COMMD1: variants seen among roughly 807,000 people sequenced by gnomAD.
The protein encoded by COMMD1 is copper metabolism domain containing 1, also known as COMM domain-containing protein 1.
In COMMD1, 10 loss-of-function variants were observed where a neutral mutation model predicts 17.2. That is an observed-to-expected ratio of 0.58 (90% CI 0.36 to 0.99). The LOEUF is 0.99. Ranked by LOEUF, COMMD1 falls within the 50% of genes least tolerant of loss-of-function variation. The pLI is 0.01. For synonymous variants in COMMD1, 97 were observed against 91.6 expected (o/e 1.06, Z -0.34); for missense variants, 270 against 231.8 (o/e 1.17, Z -1.07).
chr2:62,024,165 G>A (rs931020810), intron 2 of COMMD1, among the ~76,000 whole-genome samples: 2 of 152,092 alleles, frequency 1.3e-5, no homozygotes, highest in Non-Finnish European at 2.9e-5. Flanking sequence ...GAAAATACAT[G>A]AAAAGTGTTC....
At chr2:61,987,923 A>G (rs1301295983) in intron 1 of COMMD1, among the ~76,000 whole-genome samples, 2 of 152,148 alleles carry the variant, frequency 1.3e-5, no homozygotes, top group African/African-American at 2.4e-5. Flanking sequence ...CCCTTCTCCC[A>G]GGCAGGAGAG....
At chr2:62,069,729 G>C (rs573635101) in intron 2 of COMMD1, 3 of 152,252 alleles carry the variant, frequency 2.0e-5, no homozygotes, top group African/African-American at 7.2e-5. Context: ...TGAAGAGAGA[G>C]ATCATTTCCA....
chr2:61,951,476 ATCT>A (rs1220195746), intron 1 of COMMD1, among the ~76,000 whole-genome samples: 2 of 151,600 alleles, frequency 1.3e-5, no homozygotes, highest in African/African-American at 2.4e-5. Context: ...AAAAAAAAAA[ATCT>A]TTCTGCATCT....
At chr2:61,894,987 T>C (rs1226737667) in intron 1 of COMMD1, among the ~76,000 whole-genome samples, 1 of 152,164 alleles carries the variant, frequency 6.6e-6, no homozygotes, top group Non-Finnish European at 1.5e-5. Context: ...CCACTACACC[T>C]GGTCTAGAAG....
intron 1 of COMMD1, among the ~76,000 whole-genome samples, chr2:61,925,012 G>GAC (rs1231266045): frequency 1.3e-5 from 2 of 152,204 alleles, no homozygotes. Flanking sequence ...TGGAGAGACA[G>GAC]ACGGTCAAGG....
intron 2 of COMMD1, among the ~76,000 whole-genome samples, chr2:62,086,912 G>A (rs1671687291): frequency 1.3e-5 from 2 of 151,632 alleles, no homozygotes; most frequent in Admixed American, 6.6e-5. Flanking sequence ...CTGGAGTGCG[G>A]TAGTGCGATC....
At chr2:62,067,329 A>C (rs1291171918) in intron 2 of COMMD1, among the ~76,000 whole-genome samples, 1 of 152,222 alleles carries the variant, frequency 6.6e-6, no homozygotes, top group Non-Finnish European at 1.5e-5. Context: ...TAGTTTTCTA[A>C]ATGAAAAATC....
chr2:62,121,752 A>AG (rs1385659461), intron 2 of COMMD1, among the ~76,000 whole-genome samples: 13 of 151,732 alleles, frequency 8.6e-5, no homozygotes, highest in Non-Finnish European at 7.4e-5. Flanking sequence ...AAAAAAAAAA[A>AG]AGAGAGAGAG....
chr2:62,062,130 T>C (rs1417388181), intron 2 of COMMD1, among the ~76,000 whole-genome samples: 2 of 152,128 alleles, frequency 1.3e-5, no homozygotes, highest in African/African-American at 4.8e-5. Flanking sequence ...ACAAATGACA[T>C]TAACTCTTTC....
chr2:61,920,334 TC>T (rs1670156765), intron 1 of COMMD1, among the ~76,000 whole-genome samples: 1 of 152,102 alleles, frequency 6.6e-6, no homozygotes, highest in Non-Finnish European at 1.5e-5. Context: ...AAGTACTCTT[TC>T]CCAGGAGAAG....
At chr2:62,066,638 T>G (rs889988521) in intron 2 of COMMD1, among the ~76,000 whole-genome samples, 1 of 151,858 alleles carries the variant, frequency 6.6e-6, no homozygotes, top group African/African-American at 2.4e-5. Flanking sequence ...CCTGACCTCG[T>G]GATCTGCCCG....
In COMMD1 at chr2:62,095,694, A is replaced by G. The variant is rs562133107; in HGVS notation, c.463-40137A>G. On this transcript the variant is annotated intron_variant, in intron 2 of 2. Transcript: ENST00000311832. Reference sequence around the variant, plus strand: ...CCCTTGCTACTGTTAGTGAAAACCTAAATAACAAGATAATAATGGATTCAG... The same window carrying G: ...CCCTTGCTACTGTTAGTGAAAACCTGAATAACAAGATAATAATGGATTCAG... Among the ~76,000 whole-genome samples the G allele has an allele frequency of 4.6e-5, 7 of 150,952 alleles. No homozygotes were observed. The South Asian group carries it at 8.4e-4, about 18-fold the overall frequency.
At chr2:62,012,348 A>G (rs1276172846) in intron 2 of COMMD1, among the ~76,000 whole-genome samples, 2 of 137,844 alleles carry the variant, frequency 1.5e-5, no homozygotes, top group South Asian at 2.3e-4. Context: ...TTTTTTTGAG[A>G]TGGAGTCTTA....
intron 2 of COMMD1, among the ~76,000 whole-genome samples, chr2:62,125,443 G>T (rs1401668030): frequency 1.3e-5 from 2 of 152,120 alleles, no homozygotes; most frequent in African/African-American, 4.8e-5. Context: ...AGGATGACTT[G>T]CGTTGTGATT....
intron 2 of COMMD1, among the ~76,000 whole-genome samples, chr2:62,120,491 G>T (rs1672714848): frequency 6.6e-6 from 1 of 151,952 alleles, no homozygotes; most frequent in Admixed American, 6.6e-5. Flanking sequence ...TAAGAGTTTT[G>T]TCATTTTGGT....
At chr2:61,900,567 C>T (rs979380372) in intron 1 of COMMD1, among the ~76,000 whole-genome samples, 6 of 152,118 alleles carry the variant, frequency 3.9e-5, no homozygotes, top group Non-Finnish European at 7.4e-5. Context: ...ACATTAATGC[C>T]AGTCAGTTGT....
chr2:62,126,988 C>G (rs1318166624), intron 2 of COMMD1, among the ~76,000 whole-genome samples: 1 of 152,184 alleles, frequency 6.6e-6, no homozygotes, highest in Non-Finnish European at 1.5e-5. Flanking sequence ...CCTATCATCT[C>G]AGCCCAAAAG....
At chr2:62,100,019 T>C (rs1351293714) in intron 2 of COMMD1, among the ~76,000 whole-genome samples, 2 of 152,098 alleles carry the variant, frequency 1.3e-5, no homozygotes, top group East Asian at 3.9e-4. Context: ...AGATTAATTT[T>C]GAGAGAAAAG....
intron 1 of COMMD1, among the ~76,000 whole-genome samples, chr2:61,943,663 C>A (rs531274889): frequency 4.0e-5 from 6 of 151,886 alleles, no homozygotes; most frequent in Non-Finnish European, 8.8e-5. Flanking sequence ...GGTGAAAACC[C>A]GTCTCTACTA....
Sources: allele counts gnomAD v4.1 joint callset (sites outside exome capture counted in the v4.1 genomes callset), GRCh38; gene constraint gnomAD v4.1.1; transcripts MANE v1.5; gene names NCBI Gene and HGNC (gene_info 2026-07-23, HGNC 2026-07-21).